The following PABPC4L variants were observed in gnomAD, a reference collection of about 807,000 sequenced individuals.
PABPC4L encodes the protein polyadenylate-binding protein 4-like.
For synonymous variants in PABPC4L, 169 were observed against 164.1 expected (o/e 1.03, Z -0.23); for missense variants, 452 against 451.4 (o/e 1.00, Z -0.01).
the PABPC4L span, among the ~76,000 whole-genome samples, chr4:133,993,717 G>A: frequency 6.6e-6 from 1 of 152,144 alleles, no homozygotes; most frequent in African/African-American, 2.4e-5. Context: ...CAATTTTGGT[G>A]GAAAAATTGA....
the PABPC4L span, among the ~76,000 whole-genome samples, chr4:134,006,375 G>T: frequency 9.2e-5 from 14 of 151,834 alleles, no homozygotes; most frequent in Non-Finnish European, 8.8e-5. Flanking sequence ...TGGTAACAAG[G>T]TTAATGACCT....
the PABPC4L span, among the ~76,000 whole-genome samples, chr4:134,133,297 A>T: frequency 5.3e-4 from 75 of 140,830 alleles, no homozygotes; most frequent in East Asian, 5.8e-3. Flanking sequence ...TTGATATATT[A>T]ATTATATACA....
the PABPC4L span, among the ~76,000 whole-genome samples, chr4:133,999,829 C>T: frequency 1.3e-5 from 2 of 151,824 alleles, no homozygotes; most frequent in Non-Finnish European, 2.9e-5. Context: ...TTTTCCAATG[C>T]AAATCTGCCC....
In PABPC4L at chr4:134,199,017, T is replaced by G. The variant is rs1381741463; in HGVS notation, c.*890A>C. On this transcript the variant is annotated 3_prime_UTR_variant, in exon 2 of 2. Transcript: ENST00000421491. ...ACAATATAAAAGAGATTTTAAAAGT[T>G]TTTAAACAGAATTTCTATAATCTGT... 1.3e-5 allele frequency: 2 copies of G among 152,026 alleles called. No homozygotes were observed. Among genetic ancestry groups the G allele is most frequent in the Non-Finnish European group, 2.9e-5 (2 of 67,914 alleles). 9.4% of individuals were successfully genotyped at this position (152,026 alleles called of 1,614,324 possible). A position where few individuals can be genotyped will look rare whatever the true frequency, so the allele number is the denominator to read the frequency against.
the PABPC4L span, among the ~76,000 whole-genome samples, chr4:134,089,107 T>G: frequency 6.6e-6 from 1 of 152,108 alleles, no homozygotes; most frequent in Admixed American, 6.6e-5. Context: ...AAAGTAAGTT[T>G]CAGCAACTGC....
the PABPC4L span, among the ~76,000 whole-genome samples, chr4:134,099,623 A>G: frequency 6.6e-6 from 1 of 151,730 alleles, no homozygotes; most frequent in Admixed American, 6.6e-5. Flanking sequence ...AACAATTACA[A>G]AATGGGGATT....
chr4:134,099,506 A>G, the PABPC4L span, among the ~76,000 whole-genome samples: 2 of 151,806 alleles, frequency 1.3e-5, no homozygotes, highest in East Asian at 3.9e-4. Context: ...TCTTGCTAGA[A>G]TTCCAGATGA....
the PABPC4L span, among the ~76,000 whole-genome samples, chr4:133,951,756 T>A: frequency 2.6e-5 from 4 of 152,068 alleles, no homozygotes; most frequent in Non-Finnish European, 5.9e-5. Context: ...TGGGGACCAT[T>A]AAGTTACTAG....
the PABPC4L span, among the ~76,000 whole-genome samples, chr4:134,147,959 A>G: frequency 2.0e-5 from 3 of 152,096 alleles, no homozygotes; most frequent in African/African-American, 7.2e-5. Context: ...AAAATGGCAT[A>G]AAGTCACACT....
At chr4:134,035,321 G>A in the PABPC4L span, among the ~76,000 whole-genome samples, 1 of 151,958 alleles carries the variant, frequency 6.6e-6, no homozygotes, top group East Asian at 1.9e-4. Flanking sequence ...TTATTGTGGT[G>A]GTATGAAACC....
chr4:133,990,658 T>C, the PABPC4L span, among the ~76,000 whole-genome samples: 15 of 152,132 alleles, frequency 9.9e-5, no homozygotes, highest in Admixed American at 9.8e-4. Context: ...AAGCCAAAGA[T>C]GATTGCATTT....
chr4:133,952,970 C>T, the PABPC4L span, among the ~76,000 whole-genome samples: 1 of 152,148 alleles, frequency 6.6e-6, no homozygotes, highest in Non-Finnish European at 1.5e-5. Context: ...TTGGTTGGTA[C>T]ATTAGGGAGG....
At chr4:134,194,400 T>C (rs997308273), downstream of PABPC4L, among the ~76,000 whole-genome samples, 5 of 151,774 alleles carry the variant, frequency 3.3e-5, no homozygotes, top group South Asian at 8.3e-4. Context: ...TGTATCTTGA[T>C]TTTTCCTTGA....
the PABPC4L span, among the ~76,000 whole-genome samples, chr4:134,127,864 C>T: frequency 7.9e-5 from 12 of 151,702 alleles, no homozygotes; most frequent in Admixed American, 5.3e-4. Context: ...AAGGAGGCAC[C>T]AGAGAAAGGT....
the PABPC4L span, among the ~76,000 whole-genome samples, chr4:134,061,509 G>T: frequency 4.0e-5 from 6 of 151,772 alleles, no homozygotes; most frequent in Non-Finnish European, 8.8e-5. Context: ...GAGATGTAAA[G>T]AAGGAAAGTC....
At chr4:134,071,146 C>G in the PABPC4L span, among the ~76,000 whole-genome samples, 1 of 152,270 alleles carries the variant, frequency 6.6e-6, no homozygotes, top group Admixed American at 6.5e-5. Flanking sequence ...GGCAAGAGCA[C>G]GTTGCTCAAC....
chr4:134,165,012 C>G, the PABPC4L span, among the ~76,000 whole-genome samples: 1 of 152,104 alleles, frequency 6.6e-6, no homozygotes, highest in East Asian at 1.9e-4. Context: ...ACAATGTACA[C>G]AAAAACATAA....
the PABPC4L span, among the ~76,000 whole-genome samples, chr4:134,032,949 C>T: frequency 2.7e-5 from 4 of 150,588 alleles, no homozygotes; most frequent in Non-Finnish European, 5.9e-5. Context: ...AAAGTTACTT[C>T]ATTGATTTCT....
chr4:134,021,041 T>C, the PABPC4L span, among the ~76,000 whole-genome samples: 3 of 152,118 alleles, frequency 2.0e-5, no homozygotes, highest in Non-Finnish European at 4.4e-5. Context: ...ATAGCAATTA[T>C]GGCAGCCCAA....
Sources: gnomAD v4.1 joint callset for allele counts (sites outside exome capture counted in the v4.1 genomes callset) on GRCh38, gnomAD v4.1.1 for gene constraint, MANE v1.5 for transcripts, NCBI Gene and HGNC (gene_info 2026-07-23, HGNC 2026-07-21) for gene names.